ANKRD17: variants seen among roughly 807,000 people sequenced by gnomAD.
The protein encoded by ANKRD17 is ankyrin repeat domain 17.
Under a neutral mutation model 229.7 loss-of-function variants are expected in ANKRD17, and 19 were observed. That is an observed-to-expected ratio of 0.08 (90% CI 0.06 to 0.12). The LOEUF is 0.12. Ranked by LOEUF, ANKRD17 falls within the 10% of genes least tolerant of loss-of-function variation. The pLI is 1.00. For missense variants in ANKRD17, 2,176 were observed against 3,176.8 expected, an observed-to-expected ratio of 0.68 and a Z score of 7.57; for synonymous variants, 1,112 against 1,146.1, an observed-to-expected ratio of 0.97 and a Z score of 0.60.
intron 16 of ANKRD17, among the ~76,000 whole-genome samples, chr4:73,127,837 T>G (rs1437280580): frequency 6.6e-6 from 1 of 152,180 alleles, no homozygotes; most frequent in East Asian, 1.9e-4. Flanking sequence ...TCTCCCAGAA[T>G]GTAAATAACT....
intron 1 of ANKRD17, among the ~76,000 whole-genome samples, chr4:73,257,229 G>A (rs1745528202): frequency 6.6e-6 from 1 of 152,208 alleles, no homozygotes; most frequent in South Asian, 2.1e-4. Context: ...GGAGACAAGA[G>A]AGTGGTAAAA....
chr4:73,115,707 A>T, intron 23 of ANKRD17, 114 bp downstream of exon 23: 2 of 721,318 alleles, frequency 2.8e-6, no homozygotes, highest in Non-Finnish European at 4.6e-6. Flanking sequence ...CCCAAATACT[A>T]GATAAATGAA....
Position 73,170,283 on chromosome 4 carries a change from A to T in ANKRD17, c.547+7097T>A, listed in dbSNP as rs189486046. On this transcript the variant is annotated intron_variant, in intron 2 of 33. Transcript: ENST00000358602. ...TCAGATTCGTGAGGCCCCCCATTCC[A>T]GACCCTAGCTCCTGGACAATCTTTC... 5.1e-4 allele frequency among the ~76,000 whole-genome samples: 78 copies of T among 152,120 alleles called. 1 individual carries two copies. In the East Asian group the frequency reaches 6.8e-3, roughly 13 times the overall value.
chr4:73,136,538 G>A (rs894790194), intron 15 of ANKRD17, among the ~76,000 whole-genome samples: 6 of 151,842 alleles, frequency 4.0e-5, no homozygotes, highest in African/African-American at 1.5e-4. Context: ...AAGGAAAAAC[G>A]AAGGAGAAAA....
At chr4:73,130,520 C>T (rs1728059065) in intron 16 of ANKRD17, among the ~76,000 whole-genome samples, 1 of 151,694 alleles carries the variant, frequency 6.6e-6, no homozygotes, top group East Asian at 1.9e-4. Flanking sequence ...TGATACGTCA[C>T]AAGTGAAATT....
At position 73,203,610 on chromosome 4, in the gene ANKRD17, T is replaced by A. The variant is rs112708257; in HGVS notation, c.394-26077A>T. 1.8e-3 allele frequency among the ~76,000 whole-genome samples: 280 copies of A among 151,664 alleles called. 1 individual carries two copies. The highest frequency in any genetic ancestry group is 6.5e-3 in the African/African-American group (268 of 41,374). ...GTCTCTACTAAAAATACGAAAAAAT[T>A]AGCCGGGCTTGGTGGCTGATGCCTG... On this transcript the variant is annotated intron_variant, in intron 1 of 33. Coordinates refer to ENST00000358602, the MANE Select transcript of ANKRD17 (RefSeq NM_032217.5).
At chr4:73,230,411 G>C (rs1462563206) in intron 1 of ANKRD17, among the ~76,000 whole-genome samples, 1 of 151,840 alleles carries the variant, frequency 6.6e-6, no homozygotes, top group African/African-American at 2.4e-5. Flanking sequence ...TTAGCATTTT[G>C]ATCATTCATT....
chr4:73,110,483 T>A (rs1194097107), intron 24 of ANKRD17, among the ~76,000 whole-genome samples: 1 of 152,148 alleles, frequency 6.6e-6, no homozygotes, highest in Non-Finnish European at 1.5e-5. Flanking sequence ...CAGCAGTTTT[T>A]ATAAACCAAA....
At chr4:73,248,017 A>G (rs565558312) in intron 1 of ANKRD17, among the ~76,000 whole-genome samples, 53 of 152,152 alleles carry the variant, frequency 3.5e-4, no homozygotes, top group Non-Finnish European at 6.8e-4. Flanking sequence ...ATGTAACGCT[A>G]TATTTAAAAT....
intron 1 of ANKRD17, among the ~76,000 whole-genome samples, chr4:73,208,153 C>T (rs546667807): frequency 7.7e-6 from 1 of 130,670 alleles, no homozygotes; most frequent in Non-Finnish European, 1.5e-5. Flanking sequence ...CGGGCCACTG[C>T]ACTCCAGCCT....
At chr4:73,206,405 A>AGAGAGAGAGAGAAAGAAAGC (rs2149131324) in intron 1 of ANKRD17, among the ~76,000 whole-genome samples, 1 of 148,988 alleles carries the variant, frequency 6.7e-6, no homozygotes, top group African/African-American at 2.5e-5. Context: ...ACAGAAAGAA[A>AGAGAGAGAGAGAAAGAAAGC]GAGAGAGAGA....
chr4:73,240,719 G>A lies in ANKRD17; in HGVS notation c.393+17557C>T, dbSNP rs72861885. ...ACCATAAAACCCCACACAGATGTTA[G>A]CTACTTAACAAACACAGGAAACTGC... On this transcript the variant is annotated intron_variant, in intron 1 of 33. Coordinates refer to ENST00000358602, the MANE Select transcript of ANKRD17 (RefSeq NM_032217.5). Among the ~76,000 whole-genome samples the A allele has an allele frequency of 3.0e-3, 457 of 151,788 alleles. 4 individuals carry two copies. The highest frequency in any genetic ancestry group is 0.01 in the African/African-American group (434 of 41,364).
intron 24 of ANKRD17, chr4:73,113,076 C>T (rs1283753267): frequency 8.5e-7 from 1 of 1,174,412 alleles, no homozygotes; most frequent in African/African-American, 1.6e-5. Flanking sequence ...GCGTGAGCTA[C>T]TGCGCCCAGC....
At chr4:73,193,226 T>A (rs998779956) in intron 1 of ANKRD17, among the ~76,000 whole-genome samples, 1 of 152,214 alleles carries the variant, frequency 6.6e-6, no homozygotes, top group African/African-American at 2.4e-5. Context: ...TTCATAAATG[T>A]TGTAGCATGC....
At chr4:73,230,577 T>C (rs1276228551) in intron 1 of ANKRD17, among the ~76,000 whole-genome samples, 1 of 152,152 alleles carries the variant, frequency 6.6e-6, no homozygotes, top group Non-Finnish European at 1.5e-5. Context: ...ACTTCAATGA[T>C]TTTTTTCTCT....
intron 1 of ANKRD17, among the ~76,000 whole-genome samples, chr4:73,199,229 G>T (rs919577722): frequency 6.6e-6 from 1 of 150,524 alleles, no homozygotes; most frequent in African/African-American, 2.4e-5. Flanking sequence ...GGCTGTGTGT[G>T]TGTGTGTGTG....
At chr4:73,098,041 TATA>T in intron 26 of ANKRD17, 29 bp downstream of exon 26, 1 of 1,547,078 alleles carries the variant, frequency 6.5e-7, no homozygotes, top group Non-Finnish European at 8.7e-7. Context: ...ATGATGACAC[TATA>T]AATATTGAAA....
At chr4:73,109,381 A>G (rs1235397132) in intron 24 of ANKRD17, among the ~76,000 whole-genome samples, 1 of 150,798 alleles carries the variant, frequency 6.6e-6, no homozygotes, top group Non-Finnish European at 1.5e-5. Flanking sequence ...TAGGGTAGGC[A>G]AAGTCTTTGG....
intron 24 of ANKRD17, among the ~76,000 whole-genome samples, chr4:73,106,772 G>A (rs954349157): frequency 1.5e-4 from 23 of 151,286 alleles, no homozygotes; most frequent in Non-Finnish European, 2.9e-4. Flanking sequence ...CCAGCTACTC[G>A]GCAGGCTGAG....
Sources: gnomAD v4.1 joint callset for allele counts (sites outside exome capture counted in the v4.1 genomes callset) on GRCh38, gnomAD v4.1.1 for gene constraint, MANE v1.5 for transcripts, NCBI Gene and HGNC (gene_info 2026-07-23, HGNC 2026-07-21) for gene names.